The following ZNF546 variants were observed in gnomAD, a reference collection of about 807,000 sequenced individuals.
ZNF546 encodes CTC-471F3.6.
In ZNF546, 60 loss-of-function variants were observed where a neutral mutation model predicts 76.2. That is an observed-to-expected ratio of 0.79 (90% confidence interval 0.64 to 0.98). The LOEUF (loss-of-function observed/expected upper bound fraction) is 0.98, where lower values mean the gene tolerates loss of function less well. ZNF546 is among the 50% of genes least tolerant of loss of function. The pLI is 0.00. For missense variants in ZNF546, 936 were observed against 1,035.6 expected, an observed-to-expected ratio of 0.90 and a Z score of 1.32; for synonymous variants, 277 against 328.1, an observed-to-expected ratio of 0.84 and a Z score of 1.68.
chr19:40,002,902 A>G (rs1788405867), intron 3 of ZNF546, among the ~76,000 whole-genome samples: 1 of 151,748 alleles, frequency 6.6e-6, no homozygotes, highest in African/African-American at 2.4e-5. Context: ...GGTTCACTAT[A>G]TTGGCCAGGC....
In ZNF546 at chr19:40,014,344, A is replaced by G; in HGVS notation, c.1074A>G (p.Glu358=). Residue 358 remains glutamate, a synonymous_variant, in exon 7 of 7, where the codon GAA becomes GAG. Coordinates refer to ENST00000347077, the MANE Select transcript of ZNF546 (RefSeq NM_178544.5). ...QRIHTGERPY[E]CKVCGKTFRV... is the part of the protein sequence containing the mutation. Reference sequence around the variant, plus strand: ...TTCATACTGGTGAGAGGCCTTATGAATGTAAGGTTTGTGGCAAGACCTTTA... The same window carrying G: ...TTCATACTGGTGAGAGGCCTTATGAGTGTAAGGTTTGTGGCAAGACCTTTA... 6.2e-7 allele frequency: 1 copy of G among 1,614,100 alleles called. No homozygotes were observed. The highest frequency in any genetic ancestry group is 1.6e-4 in the Middle Eastern group (1 of 6,062).
In ZNF546 at chr19:40,014,673, C is replaced by T; in HGVS notation, c.1403C>T (p.Pro468Leu). 1 of 1,613,872 alleles carries T rather than the reference C, an allele frequency of 6.2e-7. No homozygotes were observed. Among genetic ancestry groups the T allele is most frequent in the Non-Finnish European group, 8.5e-7 (1 of 1,179,984 alleles). The change falls in exon 7 of 7, where the codon CCC becomes CTC. Residue 468 changes from proline to leucine, a missense_variant. Physicochemically the swap from Pro to Leu is moderately conservative, Grantham distance 98 (BLOSUM62 -3). Transcript: ENST00000347077. ...RHHRTHTGEK[P>L]YECKECGKAF... is the part of the protein sequence containing the mutation. ...CATAGAACTCATACTGGTGAGAAACCCTATGAATGTAAGGAATGTGGGAAG... is the reference window on the plus strand; with the variant it reads ...CATAGAACTCATACTGGTGAGAAACTCTATGAATGTAAGGAATGTGGGAAG...
chr19:40,010,300 G>A (rs1971655676), intron 6 of ZNF546, among the ~76,000 whole-genome samples: 1 of 152,056 alleles, frequency 6.6e-6, no homozygotes, highest in Admixed American at 6.5e-5. Flanking sequence ...CTACTTGGGA[G>A]GCTGAGGCAG....
At chr19:40,001,805 A>G (rs1016600194) in intron 3 of ZNF546, among the ~76,000 whole-genome samples, 9 of 152,256 alleles carry the variant, frequency 5.9e-5, no homozygotes, top group Non-Finnish European at 1.2e-4. Flanking sequence ...CTTTACTAGA[A>G]AAAATGAAAT....
intron 3 of ZNF546, among the ~76,000 whole-genome samples, chr19:40,005,676 A>G (rs1971593918): frequency 6.6e-6 from 1 of 152,006 alleles, no homozygotes. Flanking sequence ...AGTTGAGAGC[A>G]AGACCCTGTC....
intron 6 of ZNF546, among the ~76,000 whole-genome samples, chr19:40,012,219 T>A (rs1213274282): frequency 1.3e-5 from 2 of 152,170 alleles, no homozygotes; most frequent in Non-Finnish European, 2.9e-5. Context: ...ACAGGGCAAA[T>A]GTAAACAGTT....
chr19:40,007,876 C>T (rs1355059187), intron 5 of ZNF546, among the ~76,000 whole-genome samples: 1 of 152,154 alleles, frequency 6.6e-6, no homozygotes, highest in Non-Finnish European at 1.5e-5. Flanking sequence ...TTCTCCTTAA[C>T]CTGCTTTGCG....
At position 40,008,577 on chromosome 19, in the gene ZNF546, C is replaced by T; in HGVS notation, c.394+12C>T. 6.2e-7 allele frequency: 1 copy of T among 1,603,928 alleles called. No individual in the cohort carries two copies. The highest frequency in any genetic ancestry group is 1.3e-5 in the African/African-American group (1 of 74,850). ...GAATTGGTTCACAGGTGAGTGACAGCAAATTAGGCGGGAGGGTGCTATCAC... is the reference window on the plus strand; with the variant it reads ...GAATTGGTTCACAGGTGAGTGACAGTAAATTAGGCGGGAGGGTGCTATCAC... On this transcript the variant is annotated intron_variant, in intron 6 of 6. Transcript: ENST00000347077.
In ZNF546 at chr19:40,019,374, C is replaced by G. The variant is rs1971824062; in HGVS notation, c.*3593C>G. ...ATGAAGAAGCATTAAACTCAAGAAACTAAGGGAAAAATAAGTCAATATAAG... is the reference window on the plus strand; with the variant it reads ...ATGAAGAAGCATTAAACTCAAGAAAGTAAGGGAAAAATAAGTCAATATAAG... On this transcript the variant is annotated 3_prime_UTR_variant, in exon 7 of 7. Coordinates refer to ENST00000347077, the MANE Select transcript of ZNF546 (RefSeq NM_178544.5). 1 of 151,730 alleles carries G rather than the reference C, an allele frequency of 6.6e-6. No homozygotes were observed. Among genetic ancestry groups the G allele is most frequent in the South Asian group, 2.1e-4 (1 of 4,818 alleles). 9.4% of individuals were successfully genotyped at this position (151,730 alleles called of 1,614,324 possible).
intron 6 of ZNF546, among the ~76,000 whole-genome samples, chr19:40,010,481 C>T (rs544797878): frequency 2.0e-4 from 30 of 151,126 alleles, no homozygotes; most frequent in African/African-American, 3.4e-4. Context: ...TCCAGTTCTT[C>T]GACATTCTTG....
Position 40,019,755 on chromosome 19 carries a change from A to G in ZNF546, c.*3974A>G, listed in dbSNP as rs1182303216. 7 of 152,230 alleles carry G rather than the reference A, an allele frequency of 4.6e-5. No individual in the cohort carries two copies. Among genetic ancestry groups the G allele is most frequent in the Non-Finnish European group, 1.0e-4 (7 of 68,028 alleles). 9.4% of individuals were successfully genotyped at this position (152,230 alleles called of 1,614,324 possible). ...CAGCACATTCATTCAAAAACCTAGT[A>G]AAGCAATTAAGCAAAATAATTTGTT... On this transcript the variant is annotated 3_prime_UTR_variant, in exon 7 of 7. Coordinates refer to ENST00000347077, the MANE Select transcript of ZNF546 (RefSeq NM_178544.5).
chr19:40,008,378 T>C, intron 5 of ZNF546, 92 bp from the exon 6 acceptor site: 1 of 964,122 alleles, frequency 1.0e-6, no homozygotes, highest in Admixed American at 2.3e-5. Flanking sequence ...TGCAGTTTCT[T>C]ACAAATGTAA....
intron 6 of ZNF546, 33 bp from the exon 7 acceptor site, chr19:40,013,632 A>G (rs767835220): frequency 9.3e-6 from 13 of 1,403,170 alleles, no homozygotes; most frequent in Admixed American, 2.7e-5. Context: ...GCATTTGTTT[A>G]CTCTTTGCTT....
chr19:40,013,008 T>C (rs944469258), intron 6 of ZNF546, among the ~76,000 whole-genome samples: 13 of 151,866 alleles, frequency 8.6e-5, no homozygotes, highest in Non-Finnish European at 1.5e-4. Flanking sequence ...AGAGACGGGG[T>C]TTCACCATGT....
intron 3 of ZNF546, among the ~76,000 whole-genome samples, chr19:40,003,678 A>G (rs755291193): frequency 1.4e-4 from 22 of 152,136 alleles, no homozygotes; most frequent in Non-Finnish European, 1.3e-4. Context: ...ATTGCTTCCA[A>G]TGTTATGAGC....
chr19:40,004,169 T>C (rs1182742743), intron 3 of ZNF546, among the ~76,000 whole-genome samples: 1 of 149,324 alleles, frequency 6.7e-6, no homozygotes, highest in African/African-American at 2.5e-5. Flanking sequence ...TCTTAAGCTT[T>C]TCCTTCAAGT....
At chr19:40,012,085 T>C (rs1331332611) in intron 6 of ZNF546, among the ~76,000 whole-genome samples, 2 of 152,178 alleles carry the variant, frequency 1.3e-5, no homozygotes, top group African/African-American at 4.8e-5. Context: ...AGTGTAATTC[T>C]TGACTAGCAA....
chr19:40,000,806 T>G (rs955655748), intron 3 of ZNF546, among the ~76,000 whole-genome samples: 2 of 151,958 alleles, frequency 1.3e-5, no homozygotes, highest in African/African-American at 4.8e-5. Context: ...TGGAGGACCG[T>G]TTTTTCACAG....
chr19:39,998,242 T>G lies in ZNF546; in HGVS notation c.-79-6T>G. On this transcript the variant is annotated splice_polypyrimidine_tract_variant and splice_region_variant and intron_variant, in intron 2 of 6. Coordinates refer to ENST00000347077, the MANE Select transcript of ZNF546 (RefSeq NM_178544.5). ...AAATAAATGCATAAAATGTTTTTGTTTTTAGGAAATGGAAACATTGCTTTG... is the reference window on the plus strand; with the variant it reads ...AAATAAATGCATAAAATGTTTTTGTGTTTAGGAAATGGAAACATTGCTTTG... The G allele has an allele frequency of 9.3e-7, 1 of 1,074,326 alleles. No homozygotes were observed. The highest frequency in any genetic ancestry group is 2.1e-5 in the Admixed American group (1 of 47,994). 66.5% of individuals were successfully genotyped at this position (1,074,326 alleles called of 1,614,324 possible). A position where few individuals can be genotyped will look rare whatever the true frequency, so the allele number is the denominator to read the frequency against.
Sources: allele counts gnomAD v4.1 joint callset (sites outside exome capture counted in the v4.1 genomes callset), GRCh38; gene constraint gnomAD v4.1.1; transcripts MANE v1.5; gene names NCBI Gene and HGNC (gene_info 2026-07-23, HGNC 2026-07-21).